XKR4: variants seen among roughly 807,000 people sequenced by gnomAD.
XKR4 encodes XK-related protein 4.
A neutral mutation model predicts 53.9 loss-of-function variants in XKR4; 12 were observed. The ratio of observed to expected loss-of-function variants is 0.22; its 90% CI spans 0.14 to 0.36. The LOEUF is 0.36. Ranked by LOEUF, XKR4 falls within the 10% of genes least tolerant of loss-of-function variation. The pLI is 1.00. For missense variants in XKR4, 799 were observed against 859.5 expected (o/e 0.93, Z 0.88); for synonymous variants, 354 against 362.4 (o/e 0.98, Z 0.26).
rs1236470109 is a variant in XKR4 at position 55,530,413 on chromosome 8, A to G, written c.*6186A>G. The G allele has an allele frequency of 1.3e-5, 2 of 152,156 alleles. No individual in the cohort carries two copies. Among genetic ancestry groups the G allele is most frequent in the African/African-American group, 4.8e-5 (2 of 41,440 alleles). 9.4% of individuals were successfully genotyped at this position (152,156 alleles called of 1,614,324 possible). Reference sequence around the variant, plus strand: ...GATGCCAATAATACTGCAAGTGTCAACCAAATATTTGTTGAATTGAATTAT... The same window carrying G: ...GATGCCAATAATACTGCAAGTGTCAGCCAAATATTTGTTGAATTGAATTAT... On this transcript the variant is annotated 3_prime_UTR_variant, in exon 3 of 3. Transcript: ENST00000327381.
intron 1 of XKR4, among the ~76,000 whole-genome samples, chr8:55,343,018 A>G (rs763783133): frequency 2.6e-4 from 39 of 152,204 alleles, no homozygotes; most frequent in Non-Finnish European, 4.9e-4. Flanking sequence ...CCTTTTGGAA[A>G]CACTGAACTT....
At chr8:55,385,669 C>T (rs997141678) in intron 2 of XKR4, among the ~76,000 whole-genome samples, 2 of 152,130 alleles carry the variant, frequency 1.3e-5, no homozygotes, top group African/African-American at 2.4e-5. Context: ...AAATATCGGT[C>T]ATTAGAGATT....
chr8:55,213,486 G>A (rs1817756180), intron 1 of XKR4, among the ~76,000 whole-genome samples: 1 of 152,118 alleles, frequency 6.6e-6, no homozygotes, highest in Admixed American at 6.5e-5. Flanking sequence ...GTAACCTCTA[G>A]GAGCAATTGG....
chr8:55,154,958 A>G (rs1364158900), intron 1 of XKR4, among the ~76,000 whole-genome samples: 1 of 152,220 alleles, frequency 6.6e-6, no homozygotes, highest in Non-Finnish European at 1.5e-5. Context: ...GGACCAAATC[A>G]GGGAACGTCA....
chr8:55,183,685 G>A (rs1488145148), intron 1 of XKR4, among the ~76,000 whole-genome samples: 1 of 152,130 alleles, frequency 6.6e-6, no homozygotes, highest in East Asian at 1.9e-4. Context: ...TGGTCCCAGT[G>A]CACTTGAGAA....
At chr8:55,147,042 A>T (rs1282082315) in intron 1 of XKR4, among the ~76,000 whole-genome samples, 4 of 152,266 alleles carry the variant, frequency 2.6e-5, no homozygotes, top group Non-Finnish European at 5.9e-5. Flanking sequence ...ACTTTATTAA[A>T]GCCAAAGGCC....
chr8:55,109,615 A>G (rs1418099900), intron 1 of XKR4, among the ~76,000 whole-genome samples: 2 of 152,138 alleles, frequency 1.3e-5, no homozygotes. Flanking sequence ...TGGTGGGTAT[A>G]TCTCTGTGAT....
At chr8:55,350,436 T>C (rs1397286733) in intron 1 of XKR4, among the ~76,000 whole-genome samples, 1 of 152,190 alleles carries the variant, frequency 6.6e-6, no homozygotes, top group Non-Finnish European at 1.5e-5. Flanking sequence ...CTTTCCTCCA[T>C]CAAAAATTCA....
chr8:55,417,806 C>T (rs573121351), intron 2 of XKR4, among the ~76,000 whole-genome samples: 1 of 152,108 alleles, frequency 6.6e-6, no homozygotes, highest in African/African-American at 2.4e-5. Context: ...CTCTGGGGAC[C>T]TAGTATGATC....
chr8:55,172,317 T>A (rs904478794), intron 1 of XKR4, among the ~76,000 whole-genome samples: 8 of 152,072 alleles, frequency 5.3e-5, no homozygotes, highest in Admixed American at 4.6e-4. Context: ...ATGGAGATCA[T>A]CATGCTTTAT....
intron 1 of XKR4, among the ~76,000 whole-genome samples, chr8:55,303,231 C>G (rs186727056): frequency 1.3e-5 from 2 of 152,136 alleles, no homozygotes; most frequent in Admixed American, 1.3e-4. Flanking sequence ...TGTCAAAGGA[C>G]TTTTCTGCAT....
intron 1 of XKR4, among the ~76,000 whole-genome samples, chr8:55,184,106 GC>G (rs1817347217): frequency 6.6e-6 from 1 of 151,882 alleles, no homozygotes; most frequent in South Asian, 2.1e-4. Context: ...CCCATATTTA[GC>G]CTATAGCAAT....
At chr8:55,433,216 G>C (rs1679700712) in intron 2 of XKR4, among the ~76,000 whole-genome samples, 1 of 152,034 alleles carries the variant, frequency 6.6e-6, no homozygotes, top group South Asian at 2.1e-4. Context: ...AAATGCAATT[G>C]GTTTATAATT....
At chr8:55,135,110 G>A (rs557362661) in intron 1 of XKR4, 1 of 152,546 alleles carries the variant, frequency 6.6e-6, no homozygotes, top group African/African-American at 2.4e-5. Flanking sequence ...AATGGCAAAA[G>A]CCGCAATTAC....
At chr8:55,419,070 G>T (rs1443634522) in intron 2 of XKR4, among the ~76,000 whole-genome samples, 1 of 152,026 alleles carries the variant, frequency 6.6e-6, no homozygotes, top group African/African-American at 2.4e-5. Flanking sequence ...ATATGTTCCA[G>T]CCTCGAATAA....
chr8:55,227,184 C>A (rs1458450118), intron 1 of XKR4, among the ~76,000 whole-genome samples: 1 of 152,180 alleles, frequency 6.6e-6, no homozygotes, highest in Non-Finnish European at 1.5e-5. Flanking sequence ...TGTTCCCTAC[C>A]CTATGAGCAA....
At chr8:55,455,152 T>C (rs373680932) in intron 2 of XKR4, 66 of 574,506 alleles carry the variant, frequency 1.1e-4, no homozygotes, top group South Asian at 1.1e-3. Flanking sequence ...GGAGGGACGC[T>C]GGGCGGGCTC....
chr8:55,392,885 C>G (rs756235067), intron 2 of XKR4, among the ~76,000 whole-genome samples: 7 of 151,702 alleles, frequency 4.6e-5, no homozygotes, highest in Non-Finnish European at 1.0e-4. Flanking sequence ...ACTAGGGTAC[C>G]AACTTTTTAC....
intron 1 of XKR4, among the ~76,000 whole-genome samples, chr8:55,335,056 C>G (rs1324431137): frequency 2.0e-5 from 3 of 152,120 alleles, no homozygotes; most frequent in African/African-American, 7.2e-5. Flanking sequence ...GCTATTAACT[C>G]TGGAAAAATT....
Sources: allele counts gnomAD v4.1 joint callset (sites outside exome capture counted in the v4.1 genomes callset), GRCh38; gene constraint gnomAD v4.1.1; transcripts MANE v1.5; gene names NCBI Gene and HGNC (gene_info 2026-07-23, HGNC 2026-07-21).